Variants in FCHO1 observed in about 807,000 individuals in gnomAD.
FCHO1 encodes F-BAR domain only protein 1.
In FCHO1, 45 loss-of-function variants were observed where a neutral mutation model predicts 114.4. The ratio of observed to expected loss-of-function variants is 0.39; its 90% CI spans 0.31 to 0.50. The LOEUF is 0.50. Among genes scored for constraint, FCHO1 ranks in the 20% least tolerant of loss-of-function variants. The probability of loss-of-function intolerance (pLI) is 0.77; values close to 1 mark genes in which losing one functional copy is unlikely to be tolerated. For missense variants in FCHO1, 1,042 were observed against 1,209.6 expected, an observed-to-expected ratio of 0.86 and a Z score of 2.06; for synonymous variants, 480 against 488.9, an observed-to-expected ratio of 0.98 and a Z score of 0.24.
At chr19:17,782,753 T>G (rs1311084164) in intron 23 of FCHO1, among the ~76,000 whole-genome samples, 1 of 151,924 alleles carries the variant, frequency 6.6e-6, no homozygotes, top group African/African-American at 2.4e-5. Flanking sequence ...ACTGAACATT[T>G]TAATTTGAGC....
At chr19:17,769,965 A>C (rs553368652) in intron 7 of FCHO1, among the ~76,000 whole-genome samples, 3 of 151,936 alleles carry the variant, frequency 2.0e-5, no homozygotes, top group Admixed American at 2.0e-4. Context: ...GGAGTTTGAG[A>C]CCAGCCTGGG....
Position 17,784,815 on chromosome 19 carries a change from G to A in FCHO1, c.2317G>A (p.Gly773Ser), listed in dbSNP as rs748448687. The change falls in exon 26 of 29, where the codon GGC becomes AGC. Residue 773 changes from glycine to serine, a missense_variant. Coordinates refer to ENST00000596536, the MANE Select transcript of FCHO1 (RefSeq NM_015122.3). The surrounding 1 kb of genome is among the most constrained non-coding windows in gnomAD (Gnocchi z 5.3). The stretch of plus-strand genomic sequence containing the variant: ...CCTCACCCAGGTCTCAGTGGAGTAC[G>A]GCTACCGGCCCGGTGCCACGGCTGT... ...ATLTQVSVEYGYRPGATAVPT... is the reference protein window; with the variant it reads ...ATLTQVSVEYSYRPGATAVPT... 106 of 1,613,962 alleles carry A rather than the reference G, an allele frequency of 6.6e-5. No individual in the cohort carries two copies. The highest frequency in any genetic ancestry group is 8.4e-5 in the Non-Finnish European group (99 of 1,180,042).
rs185412158 is a variant in FCHO1, at chr19:17,783,460, G to A, written c.2093+288G>A. On this transcript the variant is annotated intron_variant, in intron 24 of 28. Coordinates refer to ENST00000596536, the MANE Select transcript of FCHO1 (RefSeq NM_015122.3). ...TCTTTCGTATTTTAGTAGAGACAGG[G>A]TTTCATCATGTTGCCCAGGCTGGTC... is the stretch of plus-strand genomic sequence containing the variant. 1.1e-4 allele frequency among the ~76,000 whole-genome samples: 16 copies of A among 151,920 alleles called. 1 individual carries two copies. The East Asian group carries it at 2.9e-3, about 28-fold the overall frequency.
At chr19:17,770,001 T>C (rs1330398629) in intron 7 of FCHO1, among the ~76,000 whole-genome samples, 2 of 149,806 alleles carry the variant, frequency 1.3e-5, no homozygotes, top group Non-Finnish European at 3.0e-5. Flanking sequence ...CCATTGCTAT[T>C]AAAACACACA....
rs1465416918 is a variant in FCHO1 at position 17,788,377 on chromosome 19, C to T, written c.*71C>T. 1.5e-5 allele frequency: 18 copies of T among 1,237,264 alleles called. No individual in the cohort carries two copies. The highest frequency in any genetic ancestry group is 4.7e-5 in the East Asian group (2 of 42,748). The allele number at this position is 1,237,264 out of a possible 1,614,324, so 76.6% of individuals were successfully genotyped here. A position where few individuals can be genotyped will look rare whatever the true frequency, so the allele number is the denominator to read the frequency against. Reference sequence around the variant, plus strand: ...GGCTGACCACCCCCTGCCCTCCTGCCGGACCCTGGGGCCTCCCACCCCAGC... The same window carrying T: ...GGCTGACCACCCCCTGCCCTCCTGCTGGACCCTGGGGCCTCCCACCCCAGC... On this transcript the variant is annotated 3_prime_UTR_variant, in exon 29 of 29. Coordinates refer to ENST00000596536, the MANE Select transcript of FCHO1 (RefSeq NM_015122.3).
At chr19:17,766,909 C>T (rs1040144008) in intron 7 of FCHO1, 99 bp downstream of exon 7, 66 of 1,262,504 alleles carry the variant, frequency 5.2e-5, no homozygotes, top group African/African-American at 3.3e-4. Context: ...TGCGGATGTC[C>T]GCCTCCGAGA....
At chr19:17,778,097 G>C in intron 18 of FCHO1, 40 bp from the exon 19 acceptor site, 1 of 1,519,222 alleles carries the variant, frequency 6.6e-7, no homozygotes, top group Non-Finnish European at 9.1e-7. Flanking sequence ...ATGAGGCTTG[G>C]GAAAAATAGA....
At chr19:17,788,240 ACCCCTCCTCCCCACCCCTC>A in intron 28 of FCHO1, 25 bp from the exon 29 acceptor site, 1 of 655,818 alleles carries the variant, frequency 1.5e-6, no homozygotes, top group Non-Finnish European at 2.7e-6. Context: ...CCCCTCCCGT[ACCCCTCCTCCCCACCCCTC>A]CCCCTCACAG....
chr19:17,783,179 T>C lies in FCHO1; in HGVS notation c.2093+7T>C, dbSNP rs758464575. 5.6e-6 allele frequency: 9 copies of C among 1,612,154 alleles called. No individual in the cohort carries two copies. Among genetic ancestry groups the C allele is most frequent in the Middle Eastern group, 1.7e-4 (1 of 6,054 alleles). ...ACGCCGATCTGCTGTTCAGGTACTA[T>C]GGAGGGGCAGTGGGAGAGGGCCTCG... On this transcript the variant is annotated splice_region_variant and intron_variant, in intron 24 of 28. Transcript: ENST00000596536.
intron 24 of FCHO1, 152 bp from the exon 25 acceptor site, chr19:17,783,951 C>A (rs1265868696): frequency 3.4e-6 from 3 of 892,918 alleles, no homozygotes; most frequent in Non-Finnish European, 5.2e-6. Context: ...TCCATCCCTC[C>A]TTTACTGCCC....
Position 17,784,738 on chromosome 19 carries a change from G to A in FCHO1, c.2240G>A (p.Gly747Asp). 1 of 1,613,972 alleles carries A rather than the reference G, an allele frequency of 6.2e-7. No homozygotes were observed. Among genetic ancestry groups the A allele is most frequent in the African/African-American group, 1.3e-5 (1 of 75,050 alleles). Residue 747 changes from glycine to aspartate, a missense_variant, in exon 26 of 29, where the codon GGT becomes GAT. By Grantham distance (94) the Gly-to-Asp change is moderately conservative (BLOSUM62 -1). Transcript: ENST00000596536. The surrounding 1 kb of genome is among the most constrained non-coding windows in gnomAD (Gnocchi z 5.3). The stretch of plus-strand genomic sequence containing the variant: ...CATTCTTCCTAGTTCTCCCGCCCGG[G>A]TCCCCAGTCTGTGCCTCTGCAGCTC... ...VLLRYQFSRP[G>D]PQSVPLQLSA...
intron 3 of FCHO1, chr19:17,754,901 A>G (rs1344598507): frequency 8.1e-6 from 4 of 491,062 alleles, no homozygotes; most frequent in Admixed American, 3.3e-5. Context: ...ACTCTGTGGA[A>G]TTGGGGGCAT....
intron 7 of FCHO1, among the ~76,000 whole-genome samples, chr19:17,767,325 A>T (rs947997568): frequency 2.8e-4 from 42 of 148,632 alleles, no homozygotes; most frequent in African/African-American, 9.9e-4. Flanking sequence ...AGGCAGGAGG[A>T]TGGCTGGAGC....
chr19:17,787,690 C>T lies in FCHO1; in HGVS notation c.2491C>T (p.Arg831Cys), dbSNP rs148007824. 1.9e-5 allele frequency: 29 copies of T among 1,557,610 alleles called. No homozygotes were observed. In the South Asian group the frequency reaches 1.9e-4, roughly 10 times the overall value. The change falls in exon 28 of 29, where the codon CGC becomes TGC. Residue 831 changes from arginine (R) to cysteine (C), a missense_variant. By Grantham distance (180) the Arg-to-Cys change is radical. This residue lies in a region of FCHO1 where 137 missense variants were observed against 190.0 expected (regional missense o/e 0.72). Transcript: ENST00000596536. ...PDVSEAGGSG[R>C]LSASWEPLSG... is the part of the protein sequence containing the mutation. ...ACTGCAGGTCTCCCCAGGTTCTGGC[C>T]GCCTCTCTGCCAGCTGGGAGCCGCT...
At chr19:17,783,310 A>G (rs960763677) in intron 24 of FCHO1, 138 bp downstream of exon 24, 3 of 929,388 alleles carry the variant, frequency 3.2e-6, no homozygotes, top group Non-Finnish European at 4.7e-6. Flanking sequence ...TCTGTCGCCC[A>G]GGCTGGAGTG....
chr19:17,774,212 C>T, intron 11 of FCHO1, 27 bp from the exon 12 acceptor site: 1 of 1,613,164 alleles, frequency 6.2e-7, no homozygotes, highest in Non-Finnish European at 8.5e-7. Context: ...CCCAGCCCCT[C>T]AATTGAGTTT....
At chr19:17,781,889 C>T (rs927830391) in intron 23 of FCHO1, 69 bp downstream of exon 23, 4 of 1,044,196 alleles carry the variant, frequency 3.8e-6, no homozygotes, top group Non-Finnish European at 5.7e-6. Flanking sequence ...GGACAGCTTT[C>T]AGATGTGCTT....
chr19:17,764,458 G>A lies in FCHO1; in HGVS notation c.194+9G>A, dbSNP rs780568471. The A allele has an allele frequency of 2.5e-6, 4 of 1,602,358 alleles. No individual in the cohort carries two copies. Among genetic ancestry groups the A allele is most frequent in the Admixed American group, 3.5e-5 (2 of 57,764 alleles). On this transcript the variant is annotated intron_variant, in intron 6 of 28. Coordinates refer to ENST00000596536, the MANE Select transcript of FCHO1 (RefSeq NM_015122.3). ...AACGGGACCCCCATGGGGTGAGTGG[G>A]GTAGGGGTCACCAACATGGGGACAT... is the stretch of plus-strand genomic sequence containing the variant.
rs1164955581 is a variant in FCHO1 at position 17,783,086 on chromosome 19, G to A, written c.2007G>A (p.Gly669=). 1.9e-6 allele frequency: 3 copies of A among 1,613,960 alleles called. No homozygotes were observed. The African/African-American group carries it at 4.0e-5, about 22-fold the overall frequency. Residue 669 remains glycine (G), a synonymous_variant, in exon 24 of 29, where the codon GGG becomes GGA. Transcript: ENST00000596536. ...FPAGIVRVFS[G]TPPPPVLSFR... is the part of the protein sequence containing the mutation. The stretch of plus-strand genomic sequence containing the variant: ...CTGGCATCGTGCGTGTGTTCAGCGG[G>A]ACCCCACCACCACCTGTCCTCAGCT...
Sources: allele counts gnomAD v4.1 joint callset (sites outside exome capture counted in the v4.1 genomes callset), GRCh38; gene constraint gnomAD v4.1.1; regional missense constraint gnomAD v4.1.1; non-coding constraint Gnocchi (gnomAD v3.1); transcripts MANE v1.5; gene names NCBI Gene and HGNC (gene_info 2026-07-23, HGNC 2026-07-21).